The following INPP4B variants were observed in gnomAD, a reference collection of about 807,000 sequenced individuals.
INPP4B encodes inositol polyphosphate 4-phosphatase type II.
Under a neutral mutation model 122.5 loss-of-function variants are expected in INPP4B, and 55 were observed. That is an observed-to-expected ratio of 0.45 (90% confidence interval 0.36 to 0.56). The LOEUF (loss-of-function observed/expected upper bound fraction) is 0.56. Among genes scored for constraint, INPP4B ranks in the 20% least tolerant of loss-of-function variants. INPP4B has a pLI of 0.00. For missense variants in INPP4B, 1,000 were observed against 1,097.7 expected (o/e 0.91, Z 1.26); for synonymous variants, 403 against 388.7 (o/e 1.04, Z -0.43).
chr4:142,207,050 T>C (rs1019746461), intron 14 of INPP4B, among the ~76,000 whole-genome samples: 27 of 152,294 alleles, frequency 1.8e-4, no homozygotes, highest in African/African-American at 6.5e-4. Context: ...TATTATGTAG[T>C]ATTTGTCCCT....
At chr4:142,498,037 C>G (rs1331858864) in intron 2 of INPP4B, among the ~76,000 whole-genome samples, 1 of 151,462 alleles carries the variant, frequency 6.6e-6, no homozygotes, top group Non-Finnish European at 1.5e-5. Flanking sequence ...TTTTTATGAG[C>G]CTTTAAAGGA....
rs1442178366 is a variant in INPP4B at position 142,747,699 on chromosome 4, G to T, written c.-253-21798C>A. Among the ~76,000 whole-genome samples, 5 of 152,052 alleles carry T rather than the reference G, an allele frequency of 3.3e-5. No individual in the cohort carries two copies. In the South Asian group the frequency reaches 6.2e-4, roughly 19 times the overall value. On this transcript the variant is annotated intron_variant, in intron 1 of 25. Transcript: ENST00000262992. ...TGGAATACTATGCAGCCATAAAAAA[G>T]AATGAGTTCATGTCTTTTGTAGGGA...
At chr4:142,337,716 AATATATATTTT>A (rs1460821723) in intron 7 of INPP4B, among the ~76,000 whole-genome samples, 3 of 109,644 alleles carry the variant, frequency 2.7e-5, no homozygotes, top group Non-Finnish European at 5.6e-5. Flanking sequence ...TATTATATAT[AATATATATTTT>A]ATATATATTT....
rs187157663 is a variant in INPP4B at position 142,596,130 on chromosome 4, C to T, written c.-191+129709G>A. Among the ~76,000 whole-genome samples, 59 of 152,188 alleles carry T rather than the reference C, an allele frequency of 3.9e-4. No individual in the cohort carries two copies. In the East Asian group the frequency reaches 5.6e-3, roughly 14 times the overall value. ...AAAGTGCTGGGATTATAGGCATGAG[C>T]GACACCGCCCAGCCAAATTTCTTTT... On this transcript the variant is annotated intron_variant, in intron 2 of 25. Transcript: ENST00000262992.
At chr4:142,384,274 A>G (rs1009083126) in intron 7 of INPP4B, among the ~76,000 whole-genome samples, 2 of 152,226 alleles carry the variant, frequency 1.3e-5, no homozygotes, top group Non-Finnish European at 2.9e-5. Flanking sequence ...ATTACATTCC[A>G]ATGAATTACA....
chr4:142,245,815 T>TAC (rs1727813415), intron 11 of INPP4B, among the ~76,000 whole-genome samples: 1 of 131,018 alleles, frequency 7.6e-6, no homozygotes, highest in African/African-American at 2.9e-5. Context: ...TGTGTATGTA[T>TAC]ACATATATGT....
At chr4:142,805,670 A>G (rs1778590512) in intron 1 of INPP4B, among the ~76,000 whole-genome samples, 1 of 152,170 alleles carries the variant, frequency 6.6e-6, no homozygotes, top group African/African-American at 2.4e-5. Flanking sequence ...TTAGTGAGTA[A>G]TAAGTATATT....
chr4:142,712,363 C>T (rs1414971078), intron 2 of INPP4B, among the ~76,000 whole-genome samples: 1 of 152,086 alleles, frequency 6.6e-6, no homozygotes, highest in Non-Finnish European at 1.5e-5. Flanking sequence ...CATCTGAATC[C>T]TACCCTTAAC....
At chr4:142,633,239 A>G (rs1201439195) in intron 2 of INPP4B, among the ~76,000 whole-genome samples, 2 of 152,096 alleles carry the variant, frequency 1.3e-5, no homozygotes, top group East Asian at 3.9e-4. Context: ...CTATAGTTTC[A>G]AAATATAGAA....
chr4:142,265,704 C>T (rs147191888), intron 10 of INPP4B, among the ~76,000 whole-genome samples: 13 of 152,304 alleles, frequency 8.5e-5, no homozygotes, highest in African/African-American at 3.1e-4. Flanking sequence ...CAGGGCAGAG[C>T]TGATGCCAAA....
At chr4:142,793,040 A>G (rs181210981) in intron 1 of INPP4B, among the ~76,000 whole-genome samples, 6 of 152,126 alleles carry the variant, frequency 3.9e-5, no homozygotes, top group Admixed American at 3.9e-4. Context: ...GTCTTTGACT[A>G]TCCCAAGATA....
intron 9 of INPP4B, among the ~76,000 whole-genome samples, chr4:142,303,554 T>G (rs977499447): frequency 6.6e-6 from 1 of 151,916 alleles, no homozygotes; most frequent in African/African-American, 2.4e-5. Flanking sequence ...ATAAATTACA[T>G]CAGAATTTTT....
At chr4:142,180,701 C>T (rs1337246702) in intron 15 of INPP4B, among the ~76,000 whole-genome samples, 1 of 152,132 alleles carries the variant, frequency 6.6e-6, no homozygotes, top group Admixed American at 6.5e-5. Flanking sequence ...ACAGTTTGAA[C>T]TCCTAATTAT....
chr4:142,100,105 C>T (rs1179545446), intron 23 of INPP4B, among the ~76,000 whole-genome samples: 1 of 152,124 alleles, frequency 6.6e-6, no homozygotes, highest in Non-Finnish European at 1.5e-5. Flanking sequence ...GTCGATGATG[C>T]TGATCAATCG....
At chr4:142,356,380 G>A (rs547561607) in intron 7 of INPP4B, among the ~76,000 whole-genome samples, 11 of 151,440 alleles carry the variant, frequency 7.3e-5, no homozygotes, top group African/African-American at 2.4e-4. Context: ...GTCAAGTAAG[G>A]GAGAAATCTA....
intron 2 of INPP4B, among the ~76,000 whole-genome samples, chr4:142,680,323 A>G (rs1299864737): frequency 6.6e-6 from 1 of 151,862 alleles, no homozygotes; most frequent in Non-Finnish European, 1.5e-5. Flanking sequence ...AATTACCTAC[A>G]CCGTGCCAAA....
At chr4:142,186,053 A>G (rs1833073072) in intron 15 of INPP4B, among the ~76,000 whole-genome samples, 1 of 152,102 alleles carries the variant, frequency 6.6e-6, no homozygotes, top group Non-Finnish European at 1.5e-5. Context: ...ATGACCATCA[A>G]TGGTGTATTG....
chr4:142,194,206 G>T (rs905716401), intron 14 of INPP4B, among the ~76,000 whole-genome samples: 1 of 152,108 alleles, frequency 6.6e-6, no homozygotes, highest in Non-Finnish European at 1.5e-5. Flanking sequence ...TTCAGAAAAT[G>T]CAAGATCACA....
In INPP4B at chr4:142,796,006, T is replaced by G. The variant is rs532357393; in HGVS notation, c.-254+50203A>C. On this transcript the variant is annotated intron_variant, in intron 1 of 25. Transcript: ENST00000262992. ...CTAATATGAGAAAAATGTACAATCC[T>G]TCCACGTTCATTGCATTTTACATCC... Among the ~76,000 whole-genome samples, 9 of 152,150 alleles carry G rather than the reference T, an allele frequency of 5.9e-5. No individual in the cohort carries two copies. The South Asian group carries it at 1.9e-3, about 32-fold the overall frequency.
Sources: gnomAD v4.1 joint callset for allele counts (sites outside exome capture counted in the v4.1 genomes callset) on GRCh38, gnomAD v4.1.1 for gene constraint, MANE v1.5 for transcripts, NCBI Gene and HGNC (gene_info 2026-07-23, HGNC 2026-07-21) for gene names.